CNKSR3: variants seen among roughly 807,000 people sequenced by gnomAD.
The protein encoded by CNKSR3 is connector enhancer of kinase suppressor of ras 3.
A neutral mutation model predicts 67.7 loss-of-function variants in CNKSR3; 36 were observed. The observed-to-expected ratio is 0.53, with a 90% CI of 0.41 to 0.70. The LOEUF (loss-of-function observed/expected upper bound fraction) is 0.70, where lower values mean the gene tolerates loss of function less well. Ranked by LOEUF, CNKSR3 falls within the 30% of genes least tolerant of loss-of-function variation. The probability of loss-of-function intolerance (pLI) is 0.00; values close to 1 mark genes in which losing one functional copy is unlikely to be tolerated. For missense variants in CNKSR3, 630 were observed against 695.2 expected (o/e 0.91, Z 1.05); for synonymous variants, 281 against 271.4 (o/e 1.04, Z -0.35).
intron 4 of CNKSR3, among the ~76,000 whole-genome samples, chr6:154,435,711 T>C (rs1006283002): frequency 6.6e-6 from 1 of 152,228 alleles, no homozygotes; most frequent in African/African-American, 2.4e-5. Context: ...GGCTGGACAG[T>C]GAGCTGAGCT....
At chr6:154,500,759 A>G (rs537668050) in intron 1 of CNKSR3, among the ~76,000 whole-genome samples, 5 of 152,256 alleles carry the variant, frequency 3.3e-5, no homozygotes, top group Non-Finnish European at 7.3e-5. Flanking sequence ...AAATACTTTA[A>G]AAGTTTTCAC....
chr6:154,500,644 T>C (rs1017486205), intron 1 of CNKSR3, among the ~76,000 whole-genome samples: 2 of 152,204 alleles, frequency 1.3e-5, no homozygotes, highest in African/African-American at 4.8e-5. Context: ...CAAAATGCCA[T>C]CTATTCCACC....
At chr6:154,461,564 C>T (rs958309966) in intron 1 of CNKSR3, among the ~76,000 whole-genome samples, 2 of 152,208 alleles carry the variant, frequency 1.3e-5, no homozygotes, top group African/African-American at 2.4e-5. Context: ...GTGCAAATTA[C>T]TTAACCTCTC....
intron 7 of CNKSR3, among the ~76,000 whole-genome samples, chr6:154,425,386 A>C (rs1386882012): frequency 6.6e-6 from 1 of 152,208 alleles, no homozygotes; most frequent in Non-Finnish European, 1.5e-5. Flanking sequence ...AGTGATTAAG[A>C]GTTGTGTTTG....
intron 1 of CNKSR3, among the ~76,000 whole-genome samples, chr6:154,463,418 C>T (rs923404491): frequency 6.8e-6 from 1 of 148,090 alleles, no homozygotes; most frequent in African/African-American, 2.6e-5. Flanking sequence ...ATTATGCAAC[C>T]CACTGGCACA....
rs773330564 is a variant in CNKSR3, at chr6:154,406,410, T to C, written c.1612A>G (p.Thr538Ala). 1 of 1,614,188 alleles carries C rather than the reference T, an allele frequency of 6.2e-7. No homozygotes were observed. The highest frequency in any genetic ancestry group is 8.5e-7 in the Non-Finnish European group (1 of 1,180,036). The change falls in exon 13 of 13, where the codon ACA becomes GCA. Residue 538 changes from threonine to alanine, a missense_variant. Physicochemically the swap from Thr to Ala is moderately conservative, Grantham distance 58. Around this residue, in one of 3 missense-constraint regions of CNKSR3, gnomAD observed 308 missense variants for 299.6 expected, o/e 1.03. Transcript: ENST00000607772. ...CAGCTGACCAGGAGGGACGGTTCTG[T>C]GGACGAGGACTTCGTAGCTGAGGAG... ...SGSSATKSSSTEPSLLVSWFT... is the reference protein window; with the variant it reads ...SGSSATKSSSAEPSLLVSWFT...
intron 9 of CNKSR3, among the ~76,000 whole-genome samples, chr6:154,415,069 G>A (rs1784989825): frequency 7.5e-6 from 1 of 133,332 alleles, no homozygotes. Context: ...CTGCACTCCA[G>A]CCTGGGTAAC....
intron 7 of CNKSR3, among the ~76,000 whole-genome samples, chr6:154,424,362 A>G (rs1785212019): frequency 6.6e-6 from 1 of 152,242 alleles, no homozygotes; most frequent in Non-Finnish European, 1.5e-5. Context: ...AAGGTATCTC[A>G]TATATGACTA....
Position 154,388,291 on chromosome 6 carries a change from A to G in CNKSR3, c.*18063T>C, listed in dbSNP as rs1784570635. On this transcript the variant is annotated 3_prime_UTR_variant, in exon 13 of 13. Coordinates refer to ENST00000607772, the MANE Select transcript of CNKSR3 (RefSeq NM_173515.4). ...AGTCTTTCTGTTAATAGTTTATTTC[A>G]CTTAGCGTAATGTCCTTAAGATTTA... is the stretch of plus-strand genomic sequence containing the variant. 6.6e-6 allele frequency: 1 copy of G among 152,176 alleles called. No individual in the cohort carries two copies. The highest frequency in any genetic ancestry group is 2.4e-5 in the African/African-American group (1 of 41,464). The allele number at this position is 152,176 out of a possible 1,614,324, so 9.4% of individuals were successfully genotyped here. A position where few individuals can be genotyped will look rare whatever the true frequency, so the allele number is the denominator to read the frequency against.
At chr6:154,430,619 A>G in intron 5 of CNKSR3, 28 bp from the exon 6 acceptor site, 2 of 1,591,276 alleles carry the variant, frequency 1.3e-6, no homozygotes, top group Non-Finnish European at 1.7e-6. Context: ...AATAGTCAGG[A>G]AAGTTCAATC....
chr6:154,488,158 T>C (rs564333128), intron 1 of CNKSR3, among the ~76,000 whole-genome samples: 74 of 152,348 alleles, frequency 4.9e-4, no homozygotes, highest in South Asian at 1.4e-3. Flanking sequence ...TATAATGTTT[T>C]TATAATGTTA....
intron 1 of CNKSR3, among the ~76,000 whole-genome samples, chr6:154,481,692 C>T (rs752990393): frequency 4.6e-5 from 7 of 152,174 alleles, no homozygotes; most frequent in Non-Finnish European, 8.8e-5. Context: ...GACCTGATGA[C>T]CAGGTTCTGG....
intron 3 of CNKSR3, 118 bp downstream of exon 3, chr6:154,441,970 C>G: frequency 2.1e-6 from 2 of 952,542 alleles, no homozygotes; most frequent in Non-Finnish European, 3.0e-6. Flanking sequence ...TCCTTAAGAG[C>G]CGGTAAAAAT....
chr6:154,463,113 C>CTTT (rs774013751), intron 1 of CNKSR3, among the ~76,000 whole-genome samples: 6 of 140,110 alleles, frequency 4.3e-5, no homozygotes, highest in South Asian at 2.2e-4. Context: ...TTTTTCTTTC[C>CTTT]TTTTTTTTTT....
At chr6:154,464,767 T>G (rs1360186607) in intron 1 of CNKSR3, among the ~76,000 whole-genome samples, 1 of 150,826 alleles carries the variant, frequency 6.6e-6, no homozygotes, top group African/African-American at 2.4e-5. Flanking sequence ...AAGGCCTTAG[T>G]GAGCCATAAA....
At chr6:154,464,668 A>G (rs1786155143) in intron 1 of CNKSR3, among the ~76,000 whole-genome samples, 1 of 150,932 alleles carries the variant, frequency 6.6e-6, no homozygotes, top group African/African-American at 2.4e-5. Context: ...GTGAGCCGAG[A>G]TTGCACCACT....
chr6:154,442,014 A>G, intron 3 of CNKSR3, 74 bp downstream of exon 3: 2 of 1,373,000 alleles, frequency 1.5e-6, no homozygotes, highest in Middle Eastern at 2.5e-4. Context: ...TTTTCCTAAG[A>G]CAAAGTACAG....
At chr6:154,438,929 T>C (rs1200621489) in intron 4 of CNKSR3, among the ~76,000 whole-genome samples, 1 of 152,212 alleles carries the variant, frequency 6.6e-6, no homozygotes, top group Non-Finnish European at 1.5e-5. Context: ...GACCAGGACA[T>C]GTACCTCCTA....
chr6:154,463,555 G>A lies in CNKSR3; in HGVS notation c.53-13297C>T, dbSNP rs1228354383. 2.6e-5 allele frequency among the ~76,000 whole-genome samples: 4 copies of A among 152,094 alleles called. No homozygotes were observed. The East Asian group carries it at 5.8e-4, about 22-fold the overall frequency. On this transcript the variant is annotated intron_variant, in intron 1 of 12. Coordinates refer to ENST00000607772, the MANE Select transcript of CNKSR3 (RefSeq NM_173515.4). ...ATTCCCACAAGTTTGCTATGCTCGC[G>A]GCTTCACGGGATGCCAGCCCTGGTT...
Sources: gnomAD v4.1 joint callset for allele counts (sites outside exome capture counted in the v4.1 genomes callset) on GRCh38, gnomAD v4.1.1 for gene constraint, gnomAD v4.1.1 regional missense constraint, MANE v1.5 for transcripts, NCBI Gene and HGNC (gene_info 2026-07-23, HGNC 2026-07-21) for gene names.